Variants in ADD3 observed in about 807,000 individuals in gnomAD.
ADD3 encodes gamma-adducin.
In ADD3, 25 loss-of-function variants were observed where a neutral mutation model predicts 80.2. That is an observed-to-expected ratio of 0.31 (90% CI 0.23 to 0.44). ADD3 has a LOEUF of 0.44. Ranked by LOEUF, ADD3 falls within the 20% of genes least tolerant of loss-of-function variation. ADD3 has a pLI of 1.00. For synonymous variants in ADD3, 284 were observed against 289.6 expected (o/e 0.98, Z 0.20); for missense variants, 829 against 847.5 (o/e 0.98, Z 0.27).
At chr10:110,029,914 G>GTACTTTATT (rs1278260257) in intron 1 of ADD3, among the ~76,000 whole-genome samples, 1 of 151,994 alleles carries the variant, frequency 6.6e-6, no homozygotes, top group African/African-American at 2.4e-5. Flanking sequence ...GCCCAGACTC[G>GTACTTTATT]TACTTTATTT....
chr10:110,016,391 G>T (rs1382066706), intron 1 of ADD3: 1 of 152,210 alleles, frequency 6.6e-6, no homozygotes, highest in Admixed American at 6.5e-5. Flanking sequence ...AACTAATTCA[G>T]TACTTGTTGG....
At chr10:110,093,861 T>C (rs988722556) in intron 1 of ADD3, among the ~76,000 whole-genome samples, 1 of 152,138 alleles carries the variant, frequency 6.6e-6, no homozygotes, top group African/African-American at 2.4e-5. Flanking sequence ...TATATAGTTA[T>C]GTGAATGTGG....
intron 1 of ADD3, among the ~76,000 whole-genome samples, chr10:110,061,344 G>A (rs766743804): frequency 1.4e-4 from 21 of 152,182 alleles, no homozygotes; most frequent in Non-Finnish European, 2.6e-4. Flanking sequence ...CTGGAAAAGG[G>A]TTGTCAGTCT....
chr10:110,039,142 C>T (rs547647671), intron 1 of ADD3, among the ~76,000 whole-genome samples: 1 of 152,302 alleles, frequency 6.6e-6, no homozygotes, highest in Admixed American at 6.5e-5. Context: ...CAGACCCTCT[C>T]CCTTACCTTG....
intron 1 of ADD3, among the ~76,000 whole-genome samples, chr10:110,021,436 C>T (rs1451101858): frequency 6.6e-6 from 1 of 152,140 alleles, no homozygotes. Flanking sequence ...CAACATTATT[C>T]ATAATAGCCC....
At chr10:110,023,973 C>T (rs1463628002) in intron 1 of ADD3, among the ~76,000 whole-genome samples, 1 of 152,086 alleles carries the variant, frequency 6.6e-6, no homozygotes, top group Non-Finnish European at 1.5e-5. Context: ...ATTGGGTACA[C>T]GTGGACATAA....
rs1851176264 is a variant in ADD3 at position 110,119,374 on chromosome 10, T to C, written c.861+20T>C. ...TGTAAGGTATGTAGTAGAGTTTGTC[T>C]AAGGAGCTATTTTTGTTGCTGCTGC... is the stretch of plus-strand genomic sequence containing the variant. On this transcript the variant is annotated intron_variant, in intron 7 of 14. Coordinates refer to ENST00000356080, the MANE Select transcript of ADD3 (RefSeq NM_016824.5). 1 of 1,613,298 alleles carries C rather than the reference T, an allele frequency of 6.2e-7. No individual in the cohort carries two copies. Among genetic ancestry groups the C allele is most frequent in the Non-Finnish European group, 8.5e-7 (1 of 1,179,510 alleles).
upstream of ADD3, among the ~76,000 whole-genome samples, chr10:110,001,389 T>G (rs912862843): frequency 1.4e-5 from 2 of 144,610 alleles, no homozygotes; most frequent in African/African-American, 5.1e-5. Context: ...CACTCCAGCC[T>G]GAGAGACAGA....
chr10:110,097,035 G>C (rs761097544), intron 1 of ADD3, among the ~76,000 whole-genome samples: 1 of 152,160 alleles, frequency 6.6e-6, no homozygotes, highest in African/African-American at 2.4e-5. Flanking sequence ...CTCAGTCTGT[G>C]AACACTTTGG....
At chr10:110,001,588 T>A (rs1286345763), upstream of ADD3, among the ~76,000 whole-genome samples, 4 of 152,214 alleles carry the variant, frequency 2.6e-5, no homozygotes, top group Admixed American at 6.5e-5. Context: ...AGTGCATTGT[T>A]TCTATAGGAT....
intron 5 of ADD3, among the ~76,000 whole-genome samples, chr10:110,118,308 T>C (rs1851040016): frequency 6.6e-6 from 1 of 152,186 alleles, no homozygotes; most frequent in Non-Finnish European, 1.5e-5. Context: ...TCTCCTTTTC[T>C]TGGAAACTGT....
At chr10:110,054,437 CTCT>C (rs1244177410) in intron 1 of ADD3, among the ~76,000 whole-genome samples, 1 of 102,738 alleles carries the variant, frequency 9.7e-6, no homozygotes, top group Non-Finnish European at 1.8e-5. Context: ...AGCCAGTTTT[CTCT>C]TTTTTTTTTT....
At chr10:110,058,572 TCTC>T (rs1483811869) in intron 1 of ADD3, among the ~76,000 whole-genome samples, 1 of 152,174 alleles carries the variant, frequency 6.6e-6, no homozygotes, top group Non-Finnish European at 1.5e-5. Flanking sequence ...AGTGCTGTGC[TCTC>T]CTCTGATGTA....
rs1336365358 is a variant in ADD3 at position 110,116,304 on chromosome 10, C to A, written c.380C>A (p.Thr127Lys). 1 of 1,614,146 alleles carries A rather than the reference C, an allele frequency of 6.2e-7. No homozygotes were observed. Among genetic ancestry groups the A allele is most frequent in the East Asian group, 2.2e-5 (1 of 44,882 alleles). Residue 127 changes from threonine to lysine, a missense_variant, in exon 4 of 15, where the codon ACA becomes AAA. Physicochemically the swap from Thr to Lys is moderately conservative, Grantham distance 78. Coordinates refer to ENST00000356080, the MANE Select transcript of ADD3 (RefSeq NM_016824.5). ...ATCAATGACCTTCCTGGTGCAGATA[C>A]ATCCTCATATGTGAAGGGAGAAAAA... Reference protein sequence around the residue: ...TPINDLPGADTSSYVKGEKLT... With the variant: ...TPINDLPGADKSSYVKGEKLT...
At chr10:110,005,277 G>A (rs544665502), upstream of ADD3, among the ~76,000 whole-genome samples, 408 of 151,954 alleles carry the variant, frequency 2.7e-3, 2 homozygotes, top group African/African-American at 9.2e-3. Context: ...GGCCAGGCTG[G>A]TCTTGAACTC....
At chr10:110,024,277 C>T (rs1485867403) in intron 1 of ADD3, among the ~76,000 whole-genome samples, 1 of 152,194 alleles carries the variant, frequency 6.6e-6, no homozygotes, top group Non-Finnish European at 1.5e-5. Context: ...GTCATTGTGC[C>T]ATCTTGGTTT....
intron 1 of ADD3, among the ~76,000 whole-genome samples, chr10:109,996,943 C>T (rs1485959486): frequency 1.3e-5 from 2 of 152,144 alleles, no homozygotes; most frequent in South Asian, 2.1e-4. Flanking sequence ...TGTTACTACT[C>T]CCAGGAAGGA....
At chr10:110,117,190 A>T (rs1850845204) in intron 4 of ADD3, 152 bp from the exon 5 acceptor site, 1 of 502,992 alleles carries the variant, frequency 2.0e-6, no homozygotes, top group Admixed American at 3.7e-5. Flanking sequence ...AAACTTTAGG[A>T]AAGTTTCATG....
At chr10:110,089,775 T>C (rs1190463853) in intron 1 of ADD3, among the ~76,000 whole-genome samples, 1 of 151,958 alleles carries the variant, frequency 6.6e-6, no homozygotes, top group East Asian at 1.9e-4. Context: ...CTTTTCCAAA[T>C]GGTTTATGTT....
Sources: gnomAD v4.1 joint callset for allele counts (sites outside exome capture counted in the v4.1 genomes callset) on GRCh38, gnomAD v4.1.1 for gene constraint, MANE v1.5 for transcripts, NCBI Gene and HGNC (gene_info 2026-07-23, HGNC 2026-07-21) for gene names.